TMPO: variants seen among roughly 807,000 people sequenced by gnomAD.
TMPO encodes thymopoietin.
A neutral mutation model predicts 45.4 loss-of-function variants in TMPO; 22 were observed. The observed-to-expected ratio is 0.48, with a 90% CI of 0.35 to 0.69. The LOEUF (loss-of-function observed/expected upper bound fraction) is 0.69, where lower values mean the gene tolerates loss of function less well. Among genes scored for constraint, TMPO ranks in the 30% least tolerant of loss-of-function variants. TMPO has a pLI of 0.01. For synonymous variants in TMPO, 241 were observed against 204.1 expected, an observed-to-expected ratio of 1.18 and a Z score of -1.54; for missense variants, 512 against 548.8, an observed-to-expected ratio of 0.93 and a Z score of 0.67.
At chr12:98,545,874 G>C (rs541256369) in intron 7 of TMPO, among the ~76,000 whole-genome samples, 1 of 151,716 alleles carries the variant, frequency 6.6e-6, no homozygotes, top group Non-Finnish European at 1.5e-5. Context: ...CTGGGATTAC[G>C]GGTGCCCGCC....
At chr12:98,535,250 G>A (rs1877497959) in intron 3 of TMPO, 2 of 983,310 alleles carry the variant, frequency 2.0e-6, no homozygotes, top group Non-Finnish European at 2.4e-6. Context: ...GTTAAGTTTA[G>A]CAATATAGAC....
chr12:98,521,197 T>C (rs1876338439), intron 1 of TMPO, among the ~76,000 whole-genome samples: 1 of 142,246 alleles, frequency 7.0e-6, no homozygotes, highest in Admixed American at 7.5e-5. Context: ...AAGCTCTGCC[T>C]CCTGGGTTCA....
At chr12:98,531,870 T>C (rs2121197068) in intron 3 of TMPO, 32 bp downstream of exon 3, 1 of 1,593,084 alleles carries the variant, frequency 6.3e-7, no homozygotes, top group South Asian at 1.1e-5. Flanking sequence ...ATCAAATGTA[T>C]GGAATTTTTT....
intron 2 of TMPO, among the ~76,000 whole-genome samples, chr12:98,528,510 C>G (rs1337672986): frequency 6.6e-6 from 1 of 152,020 alleles, no homozygotes; most frequent in Non-Finnish European, 1.5e-5. Context: ...ATCTTCTGAC[C>G]TTGTGATCCG....
At chr12:98,532,681 C>A in intron 3 of TMPO, 1 of 1,163,594 alleles carries the variant, frequency 8.6e-7, no homozygotes, top group Non-Finnish European at 1.2e-6. Context: ...CTTTGTCTAC[C>A]AGGGCAAATC....
At chr12:98,538,685 A>T (rs1478099666) in intron 4 of TMPO, among the ~76,000 whole-genome samples, 1 of 152,052 alleles carries the variant, frequency 6.6e-6, no homozygotes, top group Non-Finnish European at 1.5e-5. Context: ...TCCTTAGAGG[A>T]ATTATTCTTG....
chr12:98,534,211 T>TA (rs777463686), intron 3 of TMPO: 1 of 1,613,982 alleles, frequency 6.2e-7, no homozygotes, highest in African/African-American at 1.3e-5. Context: ...AGGTCGTCGA[T>TA]ACCTCTGGCT....
At chr12:98,533,041 C>T (rs1337387287) in intron 3 of TMPO, 1 of 1,613,530 alleles carries the variant, frequency 6.2e-7, no homozygotes, top group South Asian at 1.1e-5. Context: ...CACAAACTTG[C>T]CTGGCAGGGG....
At position 98,544,520 on chromosome 12, in the gene TMPO, T is replaced by G. The variant is rs946878710; in HGVS notation, c.862T>G (p.Ser288Ala). Reference sequence around the variant, plus strand: ...TCCCATAGCTGAAACTATAATGGCTTCAAGCAACGAATCCTTAGTAAATAT... The same window carrying G: ...TCCCATAGCTGAAACTATAATGGCTGCAAGCAACGAATCCTTAGTAAATAT... ...STPIAETIMA[S>A]SNESLVVNRV... The change falls in exon 6 of 9, where the codon TCA becomes GCA. Residue 288 changes from serine to alanine, a missense_variant. Physicochemically the swap from Ser to Ala is moderately conservative, Grantham distance 99. Transcript: ENST00000556029. 1.2e-6 allele frequency: 2 copies of G among 1,612,316 alleles called. No individual in the cohort carries two copies. The highest frequency in any genetic ancestry group is 3.3e-5 in the Admixed American group (2 of 60,018).
chr12:98,533,344 T>G, intron 3 of TMPO: 1 of 1,613,980 alleles, frequency 6.2e-7, no homozygotes, highest in Non-Finnish European at 8.5e-7. Context: ...ACTAGAAGAG[T>G]CTGAGAGCTC....
chr12:98,535,071 G>A (rs1877488145), intron 3 of TMPO: 2 of 888,096 alleles, frequency 2.3e-6, no homozygotes. Flanking sequence ...TTCATTGACT[G>A]GTAGCAACCA....
chr12:98,539,150 A>T (rs936217597), intron 4 of TMPO, among the ~76,000 whole-genome samples: 1 of 152,096 alleles, frequency 6.6e-6, no homozygotes. Context: ...CTGTGAGCCG[A>T]GATCGCGCCA....
intron 3 of TMPO, chr12:98,532,775 C>T: frequency 2.5e-6 from 4 of 1,613,738 alleles, no homozygotes; most frequent in Non-Finnish European, 3.4e-6. Flanking sequence ...ATAAAATCAG[C>T]TCAAACACAG....
intron 4 of TMPO, among the ~76,000 whole-genome samples, chr12:98,540,946 A>G (rs1052212137): frequency 3.3e-5 from 5 of 152,164 alleles, no homozygotes; most frequent in African/African-American, 9.7e-5. Context: ...CTTTCATTTA[A>G]TGGTTCTAAC....
At position 98,534,188 on chromosome 12, in the gene TMPO, G is replaced by A. The variant is rs369785592; in HGVS notation, c.565+2350G>A. On this transcript the variant is annotated intron_variant, in intron 3 of 8. Transcript: ENST00000556029. ...GTGAAGATGGCTGCCCATACCATGG[G>A]AAATGCCACTGTAGGTCGTCGATAC... 1.9e-6 allele frequency: 3 copies of A among 1,613,842 alleles called. No homozygotes were observed. The African/African-American group carries it at 4.0e-5, about 22-fold the overall frequency.
At chr12:98,530,336 CAAAA>C (rs760001497) in intron 2 of TMPO, among the ~76,000 whole-genome samples, 1 of 121,584 alleles carries the variant, frequency 8.2e-6, no homozygotes, top group African/African-American at 3.1e-5. Context: ...GACCTTGTCT[CAAAA>C]AAAAAAAAAG....
rs1421969395 is a variant in TMPO at position 98,531,839 on chromosome 12, G to A, written c.565+1G>A. On this transcript the variant is annotated splice_donor_variant, in intron 3 of 8. Coordinates refer to ENST00000556029, the MANE Select transcript of TMPO (RefSeq NM_001032283.3). LOFTEE classifies it high-confidence loss of function. ...GACAGATACAGTGACAATGAAGAAG[G>A]TAAAATTTTAAATGATGTTAATCAA... is the stretch of plus-strand genomic sequence containing the variant. 4 of 1,609,236 alleles carry A rather than the reference G, an allele frequency of 2.5e-6. No homozygotes were observed. Among genetic ancestry groups the A allele is most frequent in the Non-Finnish European group, 3.4e-6 (4 of 1,177,542 alleles).
chr12:98,522,787 A>G (rs986181694), intron 1 of TMPO, among the ~76,000 whole-genome samples: 5 of 152,212 alleles, frequency 3.3e-5, no homozygotes, highest in Non-Finnish European at 7.3e-5. Flanking sequence ...GCATGCTTGA[A>G]CCTCAGTTTT....
At chr12:98,530,885 C>T (rs1877142630) in intron 2 of TMPO, among the ~76,000 whole-genome samples, 3 of 152,212 alleles carry the variant, frequency 2.0e-5, no homozygotes, top group Admixed American at 2.0e-4. Context: ...AGTAGATGGT[C>T]TATAGAAAGG....
Sources: gnomAD v4.1 joint callset for allele counts (sites outside exome capture counted in the v4.1 genomes callset) on GRCh38, gnomAD v4.1.1 for gene constraint, MANE v1.5 for transcripts, NCBI Gene and HGNC (gene_info 2026-07-23, HGNC 2026-07-21) for gene names.